Variants in AGTPBP1 observed in about 807,000 individuals in gnomAD.
The protein encoded by AGTPBP1 is cytosolic carboxypeptidase 1.
In AGTPBP1, 70 loss-of-function variants were observed where a neutral mutation model predicts 143.9. The observed-to-expected ratio is 0.49, with a 90% CI of 0.40 to 0.59. The LOEUF is 0.59. AGTPBP1 is among the 20% of genes least tolerant of loss of function. The probability of loss-of-function intolerance (pLI) is 0.00; values close to 1 mark genes in which losing one functional copy is unlikely to be tolerated. For synonymous variants in AGTPBP1, 463 were observed against 500.2 expected (o/e 0.93, Z 0.99); for missense variants, 1,229 against 1,464.5 (o/e 0.84, Z 2.62).
intron 25 of AGTPBP1, among the ~76,000 whole-genome samples, chr9:85,553,444 T>C (rs1296551193): frequency 2.0e-5 from 3 of 152,234 alleles, no homozygotes; most frequent in African/African-American, 4.8e-5. Flanking sequence ...TGCAGGCTAC[T>C]GTTTAAGTGT....
the AGTPBP1 span, among the ~76,000 whole-genome samples, chr9:85,758,482 T>C: frequency 6.6e-6 from 1 of 152,044 alleles, no homozygotes; most frequent in East Asian, 1.9e-4. Flanking sequence ...CCGTCTCTTC[T>C]AAAAATACAA....
In AGTPBP1 at chr9:85,641,293, AG is replaced by A. The variant is rs1461294399; in HGVS notation, c.1302+1533del. Among the ~76,000 whole-genome samples the A allele has an allele frequency of 4.6e-5, 7 of 152,316 alleles. No homozygotes were observed. In the East Asian group the frequency reaches 1.4e-3, roughly 29 times the overall value. ...GATTTCCTCCTCAAACTTTTTCCAC[AG>A]TATTCTTCTGCCTTGATTTAGCAGT... On this transcript the variant is annotated intron_variant, in intron 13 of 25. Coordinates refer to ENST00000357081, the MANE Select transcript of AGTPBP1 (RefSeq NM_001330701.2).
chr9:85,794,036 T>C, the AGTPBP1 span, among the ~76,000 whole-genome samples: 3 of 152,168 alleles, frequency 2.0e-5, no homozygotes, highest in Non-Finnish European at 2.9e-5. Flanking sequence ...AAGGAACTTA[T>C]AGTCCAGTGA....
At chr9:85,786,165 G>T in the AGTPBP1 span, 3 of 1,602,930 alleles carry the variant, frequency 1.9e-6, no homozygotes, top group African/African-American at 2.7e-5. Context: ...AATTAAAATG[G>T]GCATCCAGAC....
the AGTPBP1 span, among the ~76,000 whole-genome samples, chr9:85,771,798 C>A: frequency 6.6e-6 from 1 of 150,946 alleles, no homozygotes; most frequent in African/African-American, 2.4e-5. Flanking sequence ...ACGACAAGTG[C>A]CCGCCACCAC....
chr9:85,607,904 G>GA (rs1188597060), intron 17 of AGTPBP1, among the ~76,000 whole-genome samples: 2 of 151,998 alleles, frequency 1.3e-5, no homozygotes, highest in Admixed American at 1.3e-4. Context: ...ACTCTACGTA[G>GA]AAAAAAATAC....
At chr9:85,704,945 T>C (rs561358220) in intron 2 of AGTPBP1, among the ~76,000 whole-genome samples, 29 of 151,968 alleles carry the variant, frequency 1.9e-4, no homozygotes, top group Non-Finnish European at 3.2e-4. Context: ...AAATTTTATG[T>C]GTCAGAAAAA....
At chr9:85,680,501 T>G (rs943989505) in intron 4 of AGTPBP1, among the ~76,000 whole-genome samples, 1 of 151,508 alleles carries the variant, frequency 6.6e-6, no homozygotes, top group African/African-American at 2.4e-5. Flanking sequence ...GGAAAATCAC[T>G]CAAACCTGGG....
intron 25 of AGTPBP1, among the ~76,000 whole-genome samples, chr9:85,564,975 G>C (rs985168337): frequency 2.6e-5 from 4 of 152,184 alleles, no homozygotes; most frequent in Non-Finnish European, 4.4e-5. Flanking sequence ...TGTCACATGA[G>C]GTTACAGTGA....
At chr9:85,758,527 C>A in the AGTPBP1 span, among the ~76,000 whole-genome samples, 1 of 152,044 alleles carries the variant, frequency 6.6e-6, no homozygotes. Flanking sequence ...CACCTGTAAT[C>A]CCAGGTACTT....
intron 17 of AGTPBP1, among the ~76,000 whole-genome samples, chr9:85,604,661 A>G (rs923391807): frequency 9.2e-5 from 14 of 152,182 alleles, no homozygotes; most frequent in African/African-American, 3.4e-4. Context: ...TCCTGGAGAA[A>G]CAGAAATATG....
At chr9:85,691,536 G>GGTGTGTGT (rs58713865) in intron 3 of AGTPBP1, among the ~76,000 whole-genome samples, 3,584 of 144,502 alleles carry the variant, frequency 0.025, 106 homozygotes, top group African/African-American at 0.07. Flanking sequence ...AAAAAAAGAG[G>GGTGTGTGT]GTGTGTGTGT....
intron 12 of AGTPBP1, among the ~76,000 whole-genome samples, chr9:85,644,387 C>T (rs911704831): frequency 6.7e-6 from 1 of 148,284 alleles, no homozygotes; most frequent in Non-Finnish European, 1.5e-5. Context: ...CAATATTTGA[C>T]ACTATTTTGT....
intron 11 of AGTPBP1, among the ~76,000 whole-genome samples, chr9:85,649,142 A>G (rs1369500009): frequency 2.6e-5 from 4 of 152,192 alleles, no homozygotes; most frequent in African/African-American, 9.7e-5. Flanking sequence ...CTGATTTTCA[A>G]AATGTCCTTG....
At chr9:85,797,807 C>T in the AGTPBP1 span, among the ~76,000 whole-genome samples, 16 of 152,194 alleles carry the variant, frequency 1.1e-4, no homozygotes, top group Non-Finnish European at 1.9e-4. Flanking sequence ...CCACACACCA[C>T]GGGTTGGAAA....
At chr9:85,589,124 A>T (rs867808338) in intron 20 of AGTPBP1, among the ~76,000 whole-genome samples, 1 of 152,308 alleles carries the variant, frequency 6.6e-6, no homozygotes. Flanking sequence ...ATGGCAGGGA[A>T]AAATGAATAA....
At chr9:85,552,760 T>C (rs1049657895) in intron 25 of AGTPBP1, among the ~76,000 whole-genome samples, 9 of 152,130 alleles carry the variant, frequency 5.9e-5, no homozygotes, top group Non-Finnish European at 7.3e-5. Flanking sequence ...GGATGAAAAA[T>C]ACTCCATCTA....
chr9:85,675,841 T>C (rs1834795357), intron 6 of AGTPBP1, among the ~76,000 whole-genome samples: 1 of 152,090 alleles, frequency 6.6e-6, no homozygotes, highest in Non-Finnish European at 1.5e-5. Flanking sequence ...CTGGCCAACA[T>C]GGTGAAACCC....
At chr9:85,580,349 TG>T (rs1450389403) in intron 23 of AGTPBP1, among the ~76,000 whole-genome samples, 6 of 152,220 alleles carry the variant, frequency 3.9e-5, no homozygotes, top group Middle Eastern at 3.4e-3. Context: ...TCTCATAAAT[TG>T]TTTTTTGGAG....
Sources: gnomAD v4.1 joint callset for allele counts (sites outside exome capture counted in the v4.1 genomes callset) on GRCh38, gnomAD v4.1.1 for gene constraint, MANE v1.5 for transcripts, NCBI Gene and HGNC (gene_info 2026-07-23, HGNC 2026-07-21) for gene names.